BMP7: variants seen among roughly 807,000 people sequenced by gnomAD.
BMP7 encodes osteogenic protein 1.
Under a neutral mutation model 41.2 loss-of-function variants are expected in BMP7, and 12 were observed. The ratio of observed to expected loss-of-function variants is 0.29; its 90% CI spans 0.19 to 0.47. The LOEUF is 0.47. BMP7 is among the 20% of genes least tolerant of loss of function. BMP7 has a pLI of 0.99. For synonymous variants in BMP7, 248 were observed against 250.0 expected (o/e 0.99, Z 0.07); for missense variants, 467 against 606.0 (o/e 0.77, Z 2.41).
intron 3 of BMP7, among the ~76,000 whole-genome samples, chr20:57,188,333 G>A (rs1984268586): frequency 6.6e-6 from 1 of 152,142 alleles, no homozygotes; most frequent in Non-Finnish European, 1.5e-5. Flanking sequence ...TACACGAAAT[G>A]GAAGAAGCCA....
In BMP7 at chr20:57,169,113, G is replaced by A. The variant is rs1983753756; in HGVS notation, c.*1846C>T. On this transcript the variant is annotated 3_prime_UTR_variant, in exon 7 of 7. Coordinates refer to ENST00000395863, the MANE Select transcript of BMP7 (RefSeq NM_001719.3). The stretch of plus-strand genomic sequence containing the variant: ...AAAAGCCCCAGCTCTGCCAGCAAAT[G>A]AAACCAAACATAACAAAAAATACTC... 1 of 152,164 alleles carries A rather than the reference G, an allele frequency of 6.6e-6. No individual in the cohort carries two copies. Among genetic ancestry groups the A allele is most frequent in the Non-Finnish European group, 1.5e-5 (1 of 68,028 alleles). The allele number at this position is 152,164 out of a possible 1,614,324, so 9.4% of individuals were successfully genotyped here. A position where few individuals can be genotyped will look rare whatever the true frequency, so the allele number is the denominator to read the frequency against.
chr20:57,196,381 G>A (rs546236822), intron 3 of BMP7, among the ~76,000 whole-genome samples: 47 of 152,182 alleles, frequency 3.1e-4, no homozygotes, highest in Non-Finnish European at 5.0e-4. Flanking sequence ...TCTCGTTCCT[G>A]GTCGGACTCC....
intron 1 of BMP7, among the ~76,000 whole-genome samples, chr20:57,252,493 C>T (rs148996647): frequency 7.9e-5 from 12 of 152,304 alleles, no homozygotes; most frequent in African/African-American, 1.7e-4. Context: ...TCCTGAGGAA[C>T]GTCCGAAGAT....
chr20:57,180,832 C>T (rs529049890), intron 4 of BMP7, among the ~76,000 whole-genome samples: 1 of 152,278 alleles, frequency 6.6e-6, no homozygotes, highest in South Asian at 2.1e-4. Context: ...CGCCAGGGGT[C>T]AGGAAGCCTT....
intron 1 of BMP7, among the ~76,000 whole-genome samples, chr20:57,257,087 G>C (rs1204427743): frequency 6.6e-6 from 1 of 152,090 alleles, no homozygotes; most frequent in African/African-American, 2.4e-5. Flanking sequence ...GCCTCTCCCA[G>C]GGACTCTGCT....
intron 3 of BMP7, among the ~76,000 whole-genome samples, chr20:57,197,389 G>T (rs1984517303): frequency 6.6e-6 from 1 of 152,164 alleles, no homozygotes; most frequent in Non-Finnish European, 1.5e-5. Context: ...GGGTCCTGGG[G>T]TCTCTACCTC....
chr20:57,210,329 A>C (rs1033674782), intron 2 of BMP7, among the ~76,000 whole-genome samples: 1 of 152,224 alleles, frequency 6.6e-6, no homozygotes, highest in Non-Finnish European at 1.5e-5. Flanking sequence ...GAGGAACCGC[A>C]CATCCCCAGG....
Position 57,202,389 on chromosome 20 carries a change from G to A in BMP7, c.760+86C>T, listed in dbSNP as rs1240799967. 2.6e-6 allele frequency: 4 copies of A among 1,536,630 alleles called. No homozygotes were observed. In the African/African-American group the frequency reaches 5.5e-5, roughly 21 times the overall value. ...GGAGGGGCGGGGAAGCCTGTTTGTA[G>A]TGAAGCAAGCATGAGCACTGCTGAG... On this transcript the variant is annotated intron_variant, in intron 3 of 6. Coordinates refer to ENST00000395863, the MANE Select transcript of BMP7 (RefSeq NM_001719.3).
chr20:57,173,143 T>C, intron 6 of BMP7, 57 bp downstream of exon 6: 1 of 1,528,910 alleles, frequency 6.5e-7, no homozygotes, highest in Non-Finnish European at 9.0e-7. Context: ...CAGGATCTGG[T>C]GGCCCCGCAG....
At chr20:57,225,330 T>A (rs2025022) in intron 2 of BMP7, among the ~76,000 whole-genome samples, 1 of 152,090 alleles carries the variant, frequency 6.6e-6, no homozygotes, top group African/African-American at 2.4e-5. Flanking sequence ...TGGACCTACA[T>A]GGGAAGGCAG....
chr20:57,180,477 C>T (rs1568704561), intron 4 of BMP7, among the ~76,000 whole-genome samples: 1 of 152,164 alleles, frequency 6.6e-6, no homozygotes, highest in Non-Finnish European at 1.5e-5. Flanking sequence ...ATGTTGTCTG[C>T]AGCCCTCGGG....
chr20:57,235,180 T>C (rs187632225), intron 1 of BMP7, among the ~76,000 whole-genome samples: 62 of 152,382 alleles, frequency 4.1e-4, no homozygotes, highest in African/African-American at 1.4e-3. Context: ...TGTGGTTCTG[T>C]GTACCAGTGG....
intron 3 of BMP7, among the ~76,000 whole-genome samples, chr20:57,191,524 C>T (rs1984356891): frequency 6.6e-6 from 1 of 151,894 alleles, no homozygotes; most frequent in African/African-American, 2.4e-5. Flanking sequence ...ATGGAGAAAC[C>T]CCGTGTTGTA....
rs375765345 is a variant in BMP7 at position 57,266,148 on chromosome 20, G to C, written c.-26C>G. 1.1e-5 allele frequency: 17 copies of C among 1,503,164 alleles called. No homozygotes were observed. The highest frequency in any genetic ancestry group is 1.5e-5 in the Non-Finnish European group (17 of 1,131,474). The allele number at this position is 1,503,164 out of a possible 1,614,324, so 93.1% of individuals were successfully genotyped here. A position where few individuals can be genotyped will look rare whatever the true frequency, so the allele number is the denominator to read the frequency against. On this transcript the variant is annotated 5_prime_UTR_variant, in exon 1 of 7. Coordinates refer to ENST00000395863, the MANE Select transcript of BMP7 (RefSeq NM_001719.3). ...CGCGCCGGCTCTACGCGCTACCCGG[G>C]CTCCGGGCTCCGGGCCCGCACCGCC...
rs1983811948 is a variant in BMP7 at position 57,171,340 on chromosome 20, T to A, written c.1147-232A>T. Among the ~76,000 whole-genome samples the A allele has an allele frequency of 6.6e-6, 1 of 151,976 alleles. No homozygotes were observed. The highest frequency in any genetic ancestry group is 2.1e-4 in the South Asian group (1 of 4,790). ...GCATAGAGGTTTTCACATTATACAG[T>A]GGGGAAGGAAGGGGCCAGATCCGAC... On this transcript the variant is annotated intron_variant, in intron 6 of 6. Coordinates refer to ENST00000395863, the MANE Select transcript of BMP7 (RefSeq NM_001719.3). This position sits in a 1 kb window ranked among gnomAD's most constrained non-coding sequence, Gnocchi z 4.5.
intron 2 of BMP7, 72 bp from the exon 3 acceptor site, chr20:57,202,695 A>G: frequency 1.2e-6 from 1 of 822,178 alleles, no homozygotes; most frequent in Non-Finnish European, 1.9e-6. Flanking sequence ...ACAGATGGGA[A>G]GCAGAGCCTC....
At position 57,224,209 on chromosome 20, in the gene BMP7, G is replaced by A. The variant is rs1378299366; in HGVS notation, c.611+4020C>T. ...CTCCCTCTTCCTCAGAGTGACTCAGGCTGCAGCTGATCCAAATCTTGGCCC... is the reference window on the plus strand; with the variant it reads ...CTCCCTCTTCCTCAGAGTGACTCAGACTGCAGCTGATCCAAATCTTGGCCC... On this transcript the variant is annotated intron_variant, in intron 2 of 6. Transcript: ENST00000395863. The surrounding 1 kb of genome is among the most constrained non-coding windows in gnomAD (Gnocchi z 4.8). Among the ~76,000 whole-genome samples, 1 of 152,148 alleles carries A rather than the reference G, an allele frequency of 6.6e-6. No individual in the cohort carries two copies. Among genetic ancestry groups the A allele is most frequent in the Non-Finnish European group, 1.5e-5 (1 of 68,026 alleles).
chr20:57,240,665 C>T lies in BMP7; in HGVS notation c.419-12244G>A, dbSNP rs1360775535. Among the ~76,000 whole-genome samples, 7 of 152,296 alleles carry T rather than the reference C, an allele frequency of 4.6e-5. 1 individual carries two copies. In the East Asian group the frequency reaches 1.3e-3, roughly 29 times the overall value. ...TAATTGGACTTACAGTTCCACATGG[C>T]TGGAGAGGCCTCAGAATCATGGCAA... is the stretch of plus-strand genomic sequence containing the variant. On this transcript the variant is annotated intron_variant, in intron 1 of 6. Coordinates refer to ENST00000395863, the MANE Select transcript of BMP7 (RefSeq NM_001719.3).
intron 3 of BMP7, among the ~76,000 whole-genome samples, chr20:57,191,028 G>A (rs1272195178): frequency 6.6e-6 from 1 of 152,132 alleles, no homozygotes; most frequent in Non-Finnish European, 1.5e-5. Context: ...ATGTCCCCTG[G>A]GAGGAAAACC....
Sources: gnomAD v4.1 joint callset for allele counts (sites outside exome capture counted in the v4.1 genomes callset) on GRCh38, gnomAD v4.1.1 for gene constraint, Gnocchi (gnomAD v3.1) non-coding constraint, MANE v1.5 for transcripts, NCBI Gene and HGNC (gene_info 2026-07-23, HGNC 2026-07-21) for gene names.